Variants in BFSP2 observed in about 807,000 individuals in gnomAD.
BFSP2 encodes beaded filament structural protein 2.
BFSP2 carries 38 observed loss-of-function variants against 44.9 expected under a neutral mutation model. The observed-to-expected ratio is 0.85, with a 90% CI of 0.65 to 1.11. The LOEUF is 1.11. Among genes scored for constraint, BFSP2 ranks in the 50% least tolerant of loss-of-function variants. The pLI, the probability that BFSP2 is intolerant of heterozygous loss-of-function variation, is 0.00. For synonymous variants in BFSP2, 197 were observed against 209.9 expected, an observed-to-expected ratio of 0.94 and a Z score of 0.53; for missense variants, 525 against 533.0, an observed-to-expected ratio of 0.99 and a Z score of 0.15.
intron 1 of BFSP2, among the ~76,000 whole-genome samples, chr3:133,431,862 C>T (rs2073724360): frequency 6.6e-6 from 1 of 152,148 alleles, no homozygotes; most frequent in African/African-American, 2.4e-5. Flanking sequence ...GTTATCCCCA[C>T]CTGCCCCGTT....
Position 133,472,557 on chromosome 3 carries a change from G to A in BFSP2, c.1236G>A (p.Glu412=), listed in dbSNP as rs966091151. 3 of 1,611,946 alleles carry A rather than the reference G, an allele frequency of 1.9e-6. No homozygotes were observed. The highest frequency in any genetic ancestry group is 1.1e-5 in the South Asian group (1 of 90,912). ...VASYHALLDR[E]ESG is the part of the protein sequence containing the mutation. Reference sequence around the variant, plus strand: ...CCTACCACGCCCTGCTGGACAGGGAGGAGAGCGGGTAAGCCTCGCTTCCGC... The same window carrying A: ...CCTACCACGCCCTGCTGGACAGGGAAGAGAGCGGGTAAGCCTCGCTTCCGC... Residue 412 remains glutamate (E), a synonymous_variant, in exon 6 of 7, where the codon GAG becomes GAA. Coordinates refer to ENST00000302334, the MANE Select transcript of BFSP2 (RefSeq NM_003571.4).
At chr3:133,474,132 T>A (rs1008947219) in intron 6 of BFSP2, among the ~76,000 whole-genome samples, 4 of 152,208 alleles carry the variant, frequency 2.6e-5, no homozygotes, top group Non-Finnish European at 5.9e-5. Context: ...TACATCAGCC[T>A]TGGGCCTTAG....
intron 1 of BFSP2, 86 bp from the exon 2 acceptor site, chr3:133,447,231 C>A: frequency 9.3e-6 from 13 of 1,395,518 alleles, no homozygotes; most frequent in Non-Finnish European, 1.3e-5. Context: ...TCCCCCAGAG[C>A]CTCTGTGCCT....
chr3:133,456,656 T>C (rs1289317340), intron 4 of BFSP2, among the ~76,000 whole-genome samples: 1 of 152,146 alleles, frequency 6.6e-6, no homozygotes, highest in East Asian at 1.9e-4. Flanking sequence ...GAAGCTGACA[T>C]GGGAGGATCA....
At chr3:133,414,320 T>C (rs1576560356) in intron 1 of BFSP2, among the ~76,000 whole-genome samples, 1 of 49,784 alleles carries the variant, frequency 2.0e-5, no homozygotes, top group Non-Finnish European at 3.6e-5. Context: ...ACCCCTCTAC[T>C]CACCCCTGCT....
At chr3:133,471,688 C>T (rs1275935091) in intron 5 of BFSP2, among the ~76,000 whole-genome samples, 4 of 151,986 alleles carry the variant, frequency 2.6e-5, no homozygotes, top group East Asian at 3.9e-4. Context: ...ACCCAGGATG[C>T]GCTCCTTGGA....
intron 5 of BFSP2, 43 bp from the exon 6 acceptor site, chr3:133,472,302 G>A (rs1451908931): frequency 6.3e-7 from 1 of 1,576,462 alleles, no homozygotes; most frequent in Non-Finnish European, 8.6e-7. Flanking sequence ...TCAAGGGCCC[G>A]GCCTGTTGTC....
At chr3:133,464,613 C>A (rs2074092384) in intron 4 of BFSP2, among the ~76,000 whole-genome samples, 1 of 151,376 alleles carries the variant, frequency 6.6e-6, no homozygotes, top group South Asian at 2.1e-4. Flanking sequence ...TATTAAATAA[C>A]AAAAGTTATT....
chr3:133,438,828 T>C (rs1444295160), intron 1 of BFSP2, among the ~76,000 whole-genome samples: 1 of 152,214 alleles, frequency 6.6e-6, no homozygotes, highest in Non-Finnish European at 1.5e-5. Flanking sequence ...AATTTAGCCA[T>C]GATACTTCAA....
chr3:133,410,037 T>C, intron 1 of BFSP2: 1 of 189,296 alleles, frequency 5.3e-6, no homozygotes, highest in East Asian at 1.7e-4. Context: ...GAAGTTGCCT[T>C]CCCACCTAGC....
intron 1 of BFSP2, among the ~76,000 whole-genome samples, chr3:133,416,143 C>A (rs2107888107): frequency 1.4e-5 from 2 of 147,538 alleles, no homozygotes; most frequent in African/African-American, 5.0e-5. Context: ...CACCCCTGCC[C>A]TCCCCCTTCA....
intron 1 of BFSP2, chr3:133,412,231 G>A (rs1166043280): frequency 6.6e-6 from 1 of 152,170 alleles, no homozygotes; most frequent in Non-Finnish European, 1.5e-5. Flanking sequence ...GCATATATGG[G>A]GGTCCACTAT....
chr3:133,421,541 C>G (rs2107894312), intron 1 of BFSP2, among the ~76,000 whole-genome samples: 1 of 152,306 alleles, frequency 6.6e-6, no homozygotes, highest in South Asian at 2.1e-4. Context: ...AGATGAGAGC[C>G]TACCCTAATG....
chr3:133,475,113 A>C lies in BFSP2; in HGVS notation c.*141A>C. The C allele has an allele frequency of 1.7e-6, 2 of 1,188,594 alleles. No homozygotes were observed. The highest frequency in any genetic ancestry group is 2.5e-6 in the Non-Finnish European group (2 of 799,268). 73.6% of individuals were successfully genotyped at this position (1,188,594 alleles called of 1,614,324 possible). Reference sequence around the variant, plus strand: ...CAGCTTGAGCTGAAAAGCTTCCTGGAAGTGGAGAGGATCCTTCTGCTTTAA... The same window carrying C: ...CAGCTTGAGCTGAAAAGCTTCCTGGCAGTGGAGAGGATCCTTCTGCTTTAA... On this transcript the variant is annotated 3_prime_UTR_variant, in exon 7 of 7. Coordinates refer to ENST00000302334, the MANE Select transcript of BFSP2 (RefSeq NM_003571.4).
At position 133,475,044 on chromosome 3, in the gene BFSP2, G is replaced by A. The variant is rs2074201694; in HGVS notation, c.*72G>A. The A allele has an allele frequency of 5.0e-6, 8 of 1,584,356 alleles. No individual in the cohort carries two copies. Among genetic ancestry groups the A allele is most frequent in the Non-Finnish European group, 6.1e-6 (7 of 1,153,028 alleles). The stretch of plus-strand genomic sequence containing the variant: ...GCTGACCCAAGAAGTTGCTTGAGGA[G>A]CTTTCTCCTGAGCTCCAGTCCCTGC... On this transcript the variant is annotated 3_prime_UTR_variant, in exon 7 of 7. Coordinates refer to ENST00000302334, the MANE Select transcript of BFSP2 (RefSeq NM_003571.4).
chr3:133,458,102 A>G (rs978989355), intron 4 of BFSP2, among the ~76,000 whole-genome samples: 1 of 152,226 alleles, frequency 6.6e-6, no homozygotes, highest in Non-Finnish European at 1.5e-5. Flanking sequence ...TTACATTTCT[A>G]TCAGAAATAT....
chr3:133,410,690 G>C (rs932379914), intron 1 of BFSP2: 1 of 255,764 alleles, frequency 3.9e-6, no homozygotes, highest in African/African-American at 2.3e-5. Flanking sequence ...TGGGCGGACA[G>C]GAGTCCGTGG....
At chr3:133,405,528 G>GAA (rs151149633) in intron 1 of BFSP2, among the ~76,000 whole-genome samples, 1 of 146,538 alleles carries the variant, frequency 6.8e-6, no homozygotes, top group Admixed American at 6.8e-5. Context: ...TCTCTTTTTA[G>GAA]AAAAAAAAAA....
At position 133,465,540 on chromosome 3, in the gene BFSP2, T is replaced by G. The variant is rs114931566; in HGVS notation, c.892-1288T>G. 3.0e-3 allele frequency among the ~76,000 whole-genome samples: 462 copies of G among 152,306 alleles called. 6 individuals are homozygous for G. Among genetic ancestry groups the G allele is most frequent in the East Asian group, 0.021 (111 of 5,194 alleles). ...CCAGAACAGAGGAGTAACAATGACC[T>G]GTTCCCCTGAATATATGGGGAGGGA... On this transcript the variant is annotated intron_variant, in intron 4 of 6. Coordinates refer to ENST00000302334, the MANE Select transcript of BFSP2 (RefSeq NM_003571.4).
Sources: allele counts gnomAD v4.1 joint callset (sites outside exome capture counted in the v4.1 genomes callset), GRCh38; gene constraint gnomAD v4.1.1; transcripts MANE v1.5; gene names NCBI Gene and HGNC (gene_info 2026-07-23, HGNC 2026-07-21).